The following PDXDC1 variants were observed in gnomAD, a reference collection of about 807,000 sequenced individuals.
PDXDC1 encodes the protein pyridoxal-dependent decarboxylase domain-containing protein 1.
A neutral mutation model predicts 100.1 loss-of-function variants in PDXDC1; 42 were observed. The ratio of observed to expected loss-of-function variants is 0.42; its 90% CI spans 0.33 to 0.54. PDXDC1 has a LOEUF of 0.54. Ranked by LOEUF, PDXDC1 falls within the 20% of genes least tolerant of loss-of-function variation. PDXDC1 has a pLI of 0.10. For synonymous variants in PDXDC1, 260 were observed against 371.7 expected, an observed-to-expected ratio of 0.70 and a Z score of 3.46; for missense variants, 636 against 979.2, an observed-to-expected ratio of 0.65 and a Z score of 4.68.
chr16:15,133,193 G>A (rs1334237893), intron 16 of PDXDC1: 10 of 1,071,658 alleles, frequency 9.3e-6, no homozygotes, highest in South Asian at 5.3e-5. Flanking sequence ...CAAAGCTCCA[G>A]GCAGGGGTAC....
chr16:15,133,792 C>G, intron 16 of PDXDC1: 1 of 1,587,110 alleles, frequency 6.3e-7, no homozygotes, highest in Non-Finnish European at 8.6e-7. Flanking sequence ...GGCCTGTACT[C>G]ACCCGTGCAT....
intron 16 of PDXDC1, chr16:15,068,156 G>A (rs773049060): frequency 2.8e-5 from 43 of 1,523,246 alleles, no homozygotes; most frequent in African/African-American, 1.7e-4. Flanking sequence ...TCAAGAAAGC[G>A]TAAATAACTT....
chr16:14,999,262 TCA>T (rs1195919061), intron 3 of PDXDC1, among the ~76,000 whole-genome samples: 2 of 152,284 alleles, frequency 1.3e-5, no homozygotes, highest in Non-Finnish European at 2.9e-5. Context: ...AGACGGGGTT[TCA>T]CCATGTTGGC....
At position 15,016,169 on chromosome 16, in the gene PDXDC1, G is replaced by C. The variant is rs776888437; in HGVS notation, c.768G>C (p.Leu256Phe). The C allele has an allele frequency of 3.7e-6, 6 of 1,613,630 alleles. No homozygotes were observed. In the East Asian group the frequency reaches 8.9e-5, roughly 24 times the overall value. Residue 256 changes from leucine to phenylalanine, a missense_variant, in exon 9 of 23, where the codon TTG becomes TTC. By Grantham distance (22) the Leu-to-Phe change is conservative. Coordinates refer to ENST00000396410, the MANE Select transcript of PDXDC1 (RefSeq NM_015027.4). Reference protein sequence around the residue: ...AVGHTDKIGRLKELCEQYGIW... With the variant: ...AVGHTDKIGRFKELCEQYGIW... The stretch of plus-strand genomic sequence containing the variant: ...GACACACAGACAAGATTGGGAGATT[G>C]AAAGAACTCTGTGAGCAGTATGGCA...
chr16:15,030,281 A>G (rs1402847066), intron 16 of PDXDC1, among the ~76,000 whole-genome samples: 6 of 152,250 alleles, frequency 3.9e-5, no homozygotes, highest in Admixed American at 6.5e-5. Context: ...ATGGTGGCTC[A>G]CACCTGTAAT....
At chr16:15,011,631 C>CTTTTTTTTTTTTTT in intron 8 of PDXDC1, among the ~76,000 whole-genome samples, 7 of 131,274 alleles carry the variant, frequency 5.3e-5, no homozygotes, top group Non-Finnish European at 1.1e-4. Flanking sequence ...ACATTTTTTT[C>CTTTTTTTTTTTTTT]TTTTTTTTTT....
chr16:15,003,802 G>A (rs1242980021), intron 4 of PDXDC1, among the ~76,000 whole-genome samples: 3 of 152,146 alleles, frequency 2.0e-5, no homozygotes, highest in African/African-American at 7.2e-5. Flanking sequence ...GGCCAACATG[G>A]TGAAACCCCG....
chr16:15,081,958 G>C (rs1349541699), intron 16 of PDXDC1, among the ~76,000 whole-genome samples: 3 of 152,152 alleles, frequency 2.0e-5, no homozygotes, highest in Admixed American at 2.0e-4. Flanking sequence ...GTGTATGTTA[G>C]TCTTCTGTCC....
intron 16 of PDXDC1, chr16:15,127,538 C>T (rs763331202): frequency 7.2e-7 from 1 of 1,398,550 alleles, no homozygotes; most frequent in East Asian, 2.4e-5. Context: ...ACGCTGGACA[C>T]CAGGCCAACA....
chr16:15,091,293 G>A lies in PDXDC1; in HGVS notation c.1400-47586G>A, dbSNP rs562670338. The A allele has an allele frequency of 2.9e-5, 47 of 1,603,326 alleles. No homozygotes were observed. The East Asian group carries it at 9.6e-4, about 33-fold the overall frequency. ...ATACAGTGGCAATAATTTTGCTAAT[G>A]ATCAAACACAAAATTAATTACCTTT... On this transcript the variant is annotated intron_variant, in intron 16 of 16. Coordinates refer to the PDXDC1 transcript ENST00000535621.
intron 1 of PDXDC1, among the ~76,000 whole-genome samples, chr16:14,980,480 G>GT (rs1286949726): frequency 5.9e-5 from 9 of 152,218 alleles, no homozygotes; most frequent in South Asian, 2.1e-4. Flanking sequence ...GCTAATTTTT[G>GT]TTTTTTTTAT....
chr16:15,076,910 G>C (rs1279202440), intron 16 of PDXDC1, among the ~76,000 whole-genome samples: 1 of 151,836 alleles, frequency 6.6e-6, no homozygotes, highest in Non-Finnish European at 1.5e-5. Context: ...CTCTATGCCA[G>C]GCAGCCTCAA....
At chr16:15,006,852 CTCT>C (rs1285492490) in intron 6 of PDXDC1, among the ~76,000 whole-genome samples, 1 of 152,290 alleles carries the variant, frequency 6.6e-6, no homozygotes, top group Non-Finnish European at 1.5e-5. Flanking sequence ...TTGTATCTGG[CTCT>C]TTTCACTTAT....
Position 15,036,091 on chromosome 16 carries a change from A to G in PDXDC1, c.2183A>G (p.Asp728Gly), listed in dbSNP as rs764428529. ...ACCAGCTCAGTCAGTCACATTGAAGACTTAGAAAAGGTGGAGCGCCTATCC... is the reference window on the plus strand; with the variant it reads ...ACCAGCTCAGTCAGTCACATTGAAGGCTTAGAAAAGGTGGAGCGCCTATCC... ...SETSSVSHIE[D>G]LEKVERLSSG... Residue 728 changes from aspartate to glycine, a missense_variant, in exon 23 of 23, where the codon GAC becomes GGC. Asp to Gly is a moderately conservative substitution (Grantham distance 94). Around this residue, in one of 4 missense-constraint regions of PDXDC1, gnomAD observed 452 missense variants for 402.9 expected, o/e 1.12. Coordinates refer to ENST00000396410, the MANE Select transcript of PDXDC1 (RefSeq NM_015027.4). 1.2e-6 allele frequency: 2 copies of G among 1,614,088 alleles called. No individual in the cohort carries two copies. Among genetic ancestry groups the G allele is most frequent in the South Asian group, 2.2e-5 (2 of 91,078 alleles).
chr16:15,076,830 G>A (rs535934971), intron 16 of PDXDC1, among the ~76,000 whole-genome samples: 1 of 152,202 alleles, frequency 6.6e-6, no homozygotes, highest in South Asian at 2.1e-4. Flanking sequence ...GGTCATGAAG[G>A]AATTTAAATA....
intron 16 of PDXDC1, among the ~76,000 whole-genome samples, chr16:15,101,944 G>T (rs1343482834): frequency 6.6e-6 from 1 of 151,542 alleles, no homozygotes; most frequent in Non-Finnish European, 1.5e-5. Context: ...CACCTCCTGG[G>T]TTCAAGCGAT....
chr16:15,061,778 G>A, intron 16 of PDXDC1: 1 of 1,613,988 alleles, frequency 6.2e-7, no homozygotes, highest in Non-Finnish European at 8.5e-7. Context: ...CAACACGGGT[G>A]GGGAGCCCAC....
chr16:14,981,584 T>C (rs1357248504), intron 1 of PDXDC1, among the ~76,000 whole-genome samples: 3 of 152,294 alleles, frequency 2.0e-5, no homozygotes, highest in Admixed American at 6.5e-5. Flanking sequence ...TTTCCATCAG[T>C]GTCATTATCT....
In PDXDC1 at chr16:15,102,039, G is replaced by T. The variant is rs1329650438; in HGVS notation, c.1400-36840G>T. ...AATTTTGTATTTTTGGTAGAGACAG[G>T]GTTTCGCCATGTTGGTCAGGCTGCT... On this transcript the variant is annotated intron_variant, in intron 16 of 16. Coordinates refer to the PDXDC1 transcript ENST00000535621. Among the ~76,000 whole-genome samples the T allele has an allele frequency of 7.2e-5, 11 of 152,190 alleles. No homozygotes were observed. In the South Asian group the frequency reaches 1.7e-3, roughly 23 times the overall value.
Sources: gnomAD v4.1 joint callset for allele counts (sites outside exome capture counted in the v4.1 genomes callset) on GRCh38, gnomAD v4.1.1 for gene constraint, gnomAD v4.1.1 regional missense constraint, MANE v1.5 for transcripts, NCBI Gene and HGNC (gene_info 2026-07-23, HGNC 2026-07-21) for gene names.